The following TOGARAM1 variants were observed in gnomAD, a reference collection of about 807,000 sequenced individuals.
The protein encoded by TOGARAM1 is TOG array regulator of axonemal microtubules protein 1.
Under a neutral mutation model 166.6 loss-of-function variants are expected in TOGARAM1, and 100 were observed. The ratio of observed to expected loss-of-function variants is 0.60; its 90% CI spans 0.51 to 0.71. The LOEUF is 0.71. TOGARAM1 is among the 30% of genes least tolerant of loss of function. The pLI, the probability that TOGARAM1 is intolerant of heterozygous loss-of-function variation, is 0.00. For missense variants in TOGARAM1, 2,029 were observed against 2,102.7 expected, an observed-to-expected ratio of 0.96 and a Z score of 0.69; for synonymous variants, 758 against 763.8, an observed-to-expected ratio of 0.99 and a Z score of 0.13.
chr14:45,016,753 G>A (rs1880167170), intron 7 of TOGARAM1, among the ~76,000 whole-genome samples: 1 of 152,056 alleles, frequency 6.6e-6, no homozygotes, highest in Admixed American at 6.6e-5. Flanking sequence ...TATAATAAAT[G>A]TTCTTACCTG....
chr14:45,006,291 A>T, intron 5 of TOGARAM1, 24 bp downstream of exon 5: 1 of 1,522,204 alleles, frequency 6.6e-7, no homozygotes, highest in East Asian at 2.3e-5. Context: ...ATTTTTAATG[A>T]CTTAAAAATA....
intron 3 of TOGARAM1, among the ~76,000 whole-genome samples, chr14:45,000,934 A>G (rs763701589): frequency 1.1e-4 from 16 of 152,014 alleles, no homozygotes; most frequent in Non-Finnish European, 1.9e-4. Flanking sequence ...GGGTTCTACT[A>G]TGTTGCCCAG....
rs1880957605 is a variant in TOGARAM1 at position 45,028,045 on chromosome 14, A to G, written c.3505-131A>G. The stretch of plus-strand genomic sequence containing the variant: ...TATATACATATATATGTATGGGTAT[A>G]TTCTGTTTTCTAGGACACACTTAAG... On this transcript the variant is annotated intron_variant, in intron 9 of 19. Transcript: ENST00000361462. 2.4e-5 allele frequency: 15 copies of G among 635,020 alleles called. No homozygotes were observed. In the South Asian group the frequency reaches 3.3e-4, roughly 14 times the overall value. The allele number at this position is 635,020 out of a possible 1,614,324, so 39.3% of individuals were successfully genotyped here. A position where few individuals can be genotyped will look rare whatever the true frequency, so the allele number is the denominator to read the frequency against.
At chr14:45,050,739 T>C (rs555888741) in intron 14 of TOGARAM1, among the ~76,000 whole-genome samples, 7 of 151,722 alleles carry the variant, frequency 4.6e-5, no homozygotes, top group African/African-American at 1.5e-4. Flanking sequence ...CTCAGCCTCC[T>C]GAGTTGCTGG....
chr14:45,045,579 ATATATG>A (rs1197958191), intron 13 of TOGARAM1, among the ~76,000 whole-genome samples: 74 of 34,964 alleles, frequency 2.1e-3, no homozygotes, highest in African/African-American at 4.3e-3. Context: ...ATATATATAT[ATATATG>A]TGTGTGTGTG....
chr14:44,980,823 C>T (rs1307425425), intron 1 of TOGARAM1, among the ~76,000 whole-genome samples: 1 of 152,116 alleles, frequency 6.6e-6, no homozygotes, highest in Admixed American at 6.5e-5. Context: ...TTGTTTGTTT[C>T]TCTTTTGGGG....
intron 7 of TOGARAM1, among the ~76,000 whole-genome samples, chr14:45,012,965 C>A (rs544868252): frequency 3.3e-5 from 5 of 152,274 alleles, no homozygotes; most frequent in African/African-American, 1.2e-4. Flanking sequence ...GAAACTGTTC[C>A]CCACAGTGCA....
intron 7 of TOGARAM1, among the ~76,000 whole-genome samples, chr14:45,017,500 G>A (rs1262181918): frequency 6.6e-6 from 1 of 152,088 alleles, no homozygotes; most frequent in Non-Finnish European, 1.5e-5. Flanking sequence ...ACTCCCAGAT[G>A]CCCAGTTAGG....
At chr14:45,059,911 C>A (rs1882821786) in intron 16 of TOGARAM1, among the ~76,000 whole-genome samples, 1 of 147,452 alleles carries the variant, frequency 6.8e-6, no homozygotes, top group Non-Finnish European at 1.5e-5. Context: ...TTTAGAAATG[C>A]AATTTTTTTT....
chr14:45,054,002 C>T (rs1882509102), intron 15 of TOGARAM1, among the ~76,000 whole-genome samples: 1 of 151,972 alleles, frequency 6.6e-6, no homozygotes, highest in Admixed American at 6.6e-5. Flanking sequence ...CCTCAGCCTC[C>T]CAAATAGCTA....
intron 2 of TOGARAM1, chr14:44,996,490 G>A (rs1887418505): frequency 6.6e-6 from 1 of 152,154 alleles, no homozygotes; most frequent in Admixed American, 6.5e-5. Context: ...AGACATAATA[G>A]GGGTGCTTAT....
intron 2 of TOGARAM1, among the ~76,000 whole-genome samples, chr14:44,999,016 T>G (rs990922566): frequency 1.3e-5 from 2 of 152,180 alleles, no homozygotes; most frequent in African/African-American, 4.8e-5. Flanking sequence ...ATAGAGCTTT[T>G]TGGGTAATGC....
intron 13 of TOGARAM1, among the ~76,000 whole-genome samples, chr14:45,045,949 G>C (rs984952717): frequency 2.6e-5 from 4 of 151,392 alleles, no homozygotes; most frequent in Non-Finnish European, 5.9e-5. Context: ...TCTACTTTTA[G>C]CTCAATAAAA....
chr14:44,968,747 T>C (rs1014321908), intron 1 of TOGARAM1, among the ~76,000 whole-genome samples: 6 of 152,230 alleles, frequency 3.9e-5, no homozygotes, highest in Non-Finnish European at 5.9e-5. Flanking sequence ...TAAGATTCAC[T>C]CTTGTGTTGT....
At chr14:45,009,195 T>C (rs1204823189) in intron 6 of TOGARAM1, 50 bp downstream of exon 6, 2 of 1,332,596 alleles carry the variant, frequency 1.5e-6, no homozygotes, top group South Asian at 2.6e-5. Context: ...TAATTAGTGA[T>C]TTAGAGCCCT....
chr14:44,981,112 G>A (rs1886506331), intron 1 of TOGARAM1, among the ~76,000 whole-genome samples: 1 of 152,142 alleles, frequency 6.6e-6, no homozygotes. Context: ...AGATAAGAAA[G>A]TCTAGAAGTA....
chr14:45,054,588 C>T (rs1302814841), intron 16 of TOGARAM1, 39 bp downstream of exon 16: 1 of 1,390,080 alleles, frequency 7.2e-7, no homozygotes, highest in South Asian at 1.3e-5. Flanking sequence ...GAAATTACTC[C>T]CTTGTGATAG....
intron 13 of TOGARAM1, among the ~76,000 whole-genome samples, chr14:45,045,503 T>G (rs1881941459): frequency 7.4e-6 from 1 of 135,788 alleles, no homozygotes; most frequent in Non-Finnish European, 1.6e-5. Context: ...CACTATTTAA[T>G]TCATTTTAAT....
intron 1 of TOGARAM1, among the ~76,000 whole-genome samples, chr14:44,984,954 A>G (rs1886715141): frequency 6.6e-6 from 1 of 152,158 alleles, no homozygotes; most frequent in Admixed American, 6.5e-5. Context: ...ACTTTACCCA[A>G]ATAAACCAAC....
Sources: allele counts gnomAD v4.1 joint callset (sites outside exome capture counted in the v4.1 genomes callset), GRCh38; gene constraint gnomAD v4.1.1; transcripts MANE v1.5; gene names NCBI Gene and HGNC (gene_info 2026-07-23, HGNC 2026-07-21).